The following BAHCC1 variants were observed in gnomAD, a reference collection of about 807,000 sequenced individuals.
BAHCC1 encodes BAH domain and coiled-coil containing 1, also known as BAH and coiled-coil domain-containing protein 1.
Under a neutral mutation model 88.2 loss-of-function variants are expected in BAHCC1, and 43 were observed. That is an observed-to-expected ratio of 0.49 (90% CI 0.38 to 0.63). BAHCC1 has a LOEUF of 0.63. BAHCC1 is among the 20% of genes least tolerant of loss of function. The pLI is 0.00. For missense variants in BAHCC1, 3,023 were observed against 1,654.8 expected, an observed-to-expected ratio of 1.83 and a Z score of -14.34; for synonymous variants, 1,510 against 745.5, an observed-to-expected ratio of 2.03 and a Z score of -16.71.
chr17:81,409,646 A>G (rs1555647460), intron 2 of BAHCC1, among the ~76,000 whole-genome samples: 2 of 152,106 alleles, frequency 1.3e-5, no homozygotes, highest in East Asian at 1.9e-4. Flanking sequence ...ACACCTGGGG[A>G]GGGCTGCCTC....
At chr17:81,423,238 G>C (rs1598469523) in intron 2 of BAHCC1, among the ~76,000 whole-genome samples, 1 of 152,052 alleles carries the variant, frequency 6.6e-6, no homozygotes, top group East Asian at 1.9e-4. Context: ...GAGGCCCCTT[G>C]AGTCCACATG....
intron 2 of BAHCC1, among the ~76,000 whole-genome samples, chr17:81,403,558 G>A (rs761017971): frequency 6.6e-6 from 1 of 150,794 alleles, no homozygotes; most frequent in Non-Finnish European, 1.5e-5. Flanking sequence ...GAAAAAAAAA[G>A]ATAATTTCCT....
In BAHCC1 at chr17:81,411,957, C is replaced by G. The variant is rs1298742781; in HGVS notation, c.178+12040C>G. Among the ~76,000 whole-genome samples, 1 of 152,258 alleles carries G rather than the reference C, an allele frequency of 6.6e-6. No homozygotes were observed. The highest frequency in any genetic ancestry group is 1.5e-5 in the Non-Finnish European group (1 of 68,050). ...CAGGAAGCATTTGCATTCAGCGAGACACACAGGCGCACAGGGACTCAAGTG... is the reference window on the plus strand; with the variant it reads ...CAGGAAGCATTTGCATTCAGCGAGAGACACAGGCGCACAGGGACTCAAGTG... On this transcript the variant is annotated intron_variant, in intron 2 of 27. Coordinates refer to ENST00000675386, the MANE Select transcript of BAHCC1 (RefSeq NM_001377448.1). This position sits in a 1 kb window ranked among gnomAD's most constrained non-coding sequence, Gnocchi z 6.2.
intron 3 of BAHCC1, among the ~76,000 whole-genome samples, chr17:81,431,431 A>T (rs2064260243): frequency 6.6e-6 from 1 of 152,218 alleles, no homozygotes; most frequent in Admixed American, 6.5e-5. Flanking sequence ...CATGGTGACC[A>T]GCACCCAGGT....
intron 2 of BAHCC1, among the ~76,000 whole-genome samples, chr17:81,418,785 GTA>G (rs1555649091): frequency 1.2e-4 from 16 of 133,288 alleles, no homozygotes; most frequent in African/African-American, 4.8e-4. Context: ...ACGTGTGTGT[GTA>G]CGTGTGTGCG....
chr17:81,458,918 G>C lies in BAHCC1; in HGVS notation c.5554G>C (p.Glu1852Gln), dbSNP rs781795396. Residue 1852 changes from glutamate (E) to glutamine (Q), a missense_variant, in exon 20 of 28, where the codon GAA becomes CAA. Glu to Gln is a conservative substitution (Grantham distance 29). Coordinates refer to ENST00000675386, the MANE Select transcript of BAHCC1 (RefSeq NM_001377448.1). The part of the protein sequence containing the change: ...SFSEEEEDEE[E>Q]EEEDSGPLSA... ...CTCGGAAGAGGAGGAGGACGAGGAG[G>C]AAGAGGAGGAGGACAGCGGCCCTCT... The C allele has an allele frequency of 5.2e-6, 4 of 770,252 alleles. No individual in the cohort carries two copies. The South Asian group carries it at 5.4e-5, about 10-fold the overall frequency. The allele number at this position is 770,252 out of a possible 1,614,324, so 47.7% of individuals were successfully genotyped here.
At chr17:81,437,455 A>G (rs2064351892) in intron 3 of BAHCC1, among the ~76,000 whole-genome samples, 1 of 152,212 alleles carries the variant, frequency 6.6e-6, no homozygotes, top group Non-Finnish European at 1.5e-5. Flanking sequence ...TCCAGCAGAC[A>G]TGCTCTCTGC....
chr17:81,458,397 C>G lies in BAHCC1; in HGVS notation c.5274C>G (p.Gly1758=). 1 of 742,502 alleles carries G rather than the reference C, an allele frequency of 1.3e-6. No homozygotes were observed. The highest frequency in any genetic ancestry group is 2.5e-6 in the Non-Finnish European group (1 of 402,676). 46.0% of individuals were successfully genotyped at this position (742,502 alleles called of 1,614,324 possible). ...GGGCCTTCGCCTGCCGTGAGGAGGG[C>G]AGCCAGCTGGCCAGTGAGCGCCTCA... ...PSRAFACREE[G]SQLASERLKR... The change falls in exon 18 of 28, where the codon GGC becomes GGG. Residue 1758 remains glycine (G), a synonymous_variant. Coordinates refer to ENST00000675386, the MANE Select transcript of BAHCC1 (RefSeq NM_001377448.1).
intron 1 of BAHCC1, chr17:81,396,457 C>G (rs113458760): frequency 0.26 from 40,098 of 151,888 alleles, 6,514 homozygotes; most frequent in Middle Eastern, 0.37. Flanking sequence ...GACCCCAGTT[C>G]TCATGACTCT....
In BAHCC1 at chr17:81,434,994, TG is replaced by T. The variant is rs1555651509; in HGVS notation, c.359-3373del. ...AGCCACCAGGCCTCCCTTCTCCAGG[TG>T]GGCAGGAGGAAAGGAAGGGTCCCCT... On this transcript the variant is annotated intron_variant, in intron 3 of 27. Transcript: ENST00000675386. This position sits in a 1 kb window ranked among gnomAD's most constrained non-coding sequence, Gnocchi z 4.9. Among the ~76,000 whole-genome samples, 1 of 151,842 alleles carries T rather than the reference TG, an allele frequency of 6.6e-6. No homozygotes were observed. Among genetic ancestry groups the T allele is most frequent in the Non-Finnish European group, 1.5e-5 (1 of 67,902 alleles).
At chr17:81,451,306 C>T in intron 11 of BAHCC1, 2 of 238,392 alleles carry the variant, frequency 8.4e-6, no homozygotes, top group Non-Finnish European at 1.6e-5. Context: ...CCCAGGGCTG[C>T]CGTTCGAAGC....
rs782042060 is a variant in BAHCC1, at chr17:81,460,960, CGCGGTGGCGCAGACCAAGCGGAAG to C, written c.6306_6329del (p.Gln2103_Ala2110del). ...GTGGCAGCCCCTTGCTGAGCTGGTC[CGCGGTGGCGCAGACCAAGCGGAAG>C]GCGGTGGCAGCGGCCAGCAAGGGGC... On this transcript the variant is annotated inframe_deletion, in exon 26 of 28. Coordinates refer to ENST00000675386, the MANE Select transcript of BAHCC1 (RefSeq NM_001377448.1). 1.4e-5 allele frequency: 11 copies of C among 772,250 alleles called. No homozygotes were observed. Among genetic ancestry groups the C allele is most frequent in the South Asian group, 5.4e-5 (4 of 74,604 alleles). The allele number at this position is 772,250 out of a possible 1,614,324, so 47.8% of individuals were successfully genotyped here.
At chr17:81,423,972 G>A (rs1434472685) in intron 2 of BAHCC1, among the ~76,000 whole-genome samples, 2 of 152,226 alleles carry the variant, frequency 1.3e-5, no homozygotes, top group Non-Finnish European at 2.9e-5. Flanking sequence ...GGAGCCTCTC[G>A]CGGCCTCCAC....
In BAHCC1 at chr17:81,416,184, A is replaced by G. The variant is rs147511008; in HGVS notation, c.179-10616A>G. Reference sequence around the variant, plus strand: ...TGTATGTGCGTGTGTGCATGTGTCCATGAGGGTGGGTGTATGCGCGTGTGT... The same window carrying G: ...TGTATGTGCGTGTGTGCATGTGTCCGTGAGGGTGGGTGTATGCGCGTGTGT... On this transcript the variant is annotated intron_variant, in intron 2 of 27. Coordinates refer to ENST00000675386, the MANE Select transcript of BAHCC1 (RefSeq NM_001377448.1). 2.7e-3 allele frequency among the ~76,000 whole-genome samples: 310 copies of G among 113,764 alleles called. No homozygotes were observed. The Middle Eastern group carries it at 0.057, about 21-fold the overall frequency. The allele number at this position is 113,764 out of a possible 152,430, so 74.6% of individuals were successfully genotyped here.
intron 2 of BAHCC1, among the ~76,000 whole-genome samples, chr17:81,419,929 G>A (rs1555649421): frequency 2.0e-5 from 3 of 151,984 alleles, no homozygotes; most frequent in South Asian, 2.1e-4. Context: ...GGGCCCTGCC[G>A]TCCTCTTGTT....
At chr17:81,403,094 A>C (rs1457434361) in intron 2 of BAHCC1, 1 of 152,240 alleles carries the variant, frequency 6.6e-6, no homozygotes, top group Non-Finnish European at 1.5e-5. Flanking sequence ...ATTTTTCATC[A>C]GTGCTACTGC....
Position 81,447,173 on chromosome 17 carries a change from T to A in BAHCC1, c.3301T>A (p.Phe1101Ile), listed in dbSNP as rs782769342. The change falls in exon 11 of 28, where the codon TTC becomes ATC. Residue 1101 changes from phenylalanine to isoleucine, a missense_variant. Phe to Ile is a conservative substitution (Grantham distance 21, BLOSUM62 0). Coordinates refer to ENST00000675386, the MANE Select transcript of BAHCC1 (RefSeq NM_001377448.1). The stretch of plus-strand genomic sequence containing the variant: ...GGCCCAGCCTGAGCCCACAAGGACA[T>A]TCCTGCCTGGGGAGCCGCCTCCCTG... ...PGAQPEPTRT[F>I]LPGEPPPCSP... 81 of 774,104 alleles carry A rather than the reference T, an allele frequency of 1.0e-4. No individual in the cohort carries two copies. The highest frequency in any genetic ancestry group is 1.8e-4 in the Non-Finnish European group (75 of 415,572). The allele number at this position is 774,104 out of a possible 1,614,324, so 48.0% of individuals were successfully genotyped here. A position where few individuals can be genotyped will look rare whatever the true frequency, so the allele number is the denominator to read the frequency against.
At chr17:81,457,615 G>A (rs1479321696) in intron 17 of BAHCC1, 23 bp downstream of exon 17, 7 of 691,124 alleles carry the variant, frequency 1.0e-5, no homozygotes, top group African/African-American at 5.3e-5. Context: ...GAGGACAGGG[G>A]TTGCTAGGTA....
intron 4 of BAHCC1, 58 bp downstream of exon 4, chr17:81,438,550 G>C: frequency 1.4e-6 from 1 of 727,184 alleles, no homozygotes; most frequent in Non-Finnish European, 2.6e-6. Context: ...GGGAGGGGGC[G>C]CAGGAGCTTC....
Sources: allele counts gnomAD v4.1 joint callset (sites outside exome capture counted in the v4.1 genomes callset), GRCh38; gene constraint gnomAD v4.1.1; non-coding constraint Gnocchi (gnomAD v3.1); transcripts MANE v1.5; gene names NCBI Gene and HGNC (gene_info 2026-07-23, HGNC 2026-07-21).